Variants in SDCCAG8 observed in about 807,000 individuals in gnomAD.
SDCCAG8 encodes the protein serologically defined colon cancer antigen 8.
A neutral mutation model predicts 101.8 loss-of-function variants in SDCCAG8; 74 were observed. The observed-to-expected ratio is 0.73, with a 90% CI of 0.60 to 0.88. SDCCAG8 has a LOEUF of 0.88. Among genes scored for constraint, SDCCAG8 ranks in the 40% least tolerant of loss-of-function variants. The pLI, the probability that SDCCAG8 is intolerant of heterozygous loss-of-function variation, is 0.00. For synonymous variants in SDCCAG8, 281 were observed against 292.9 expected, an observed-to-expected ratio of 0.96 and a Z score of 0.41; for missense variants, 787 against 822.6, an observed-to-expected ratio of 0.96 and a Z score of 0.53.
At chr1:243,494,444 G>A (rs1667300664) in intron 17 of SDCCAG8, among the ~76,000 whole-genome samples, 1 of 152,094 alleles carries the variant, frequency 6.6e-6, no homozygotes, top group South Asian at 2.1e-4. Flanking sequence ...TGCTGCCTGA[G>A]TGTTTTTAAA....
At chr1:243,499,232 CAT>C (rs918535253) in intron 17 of SDCCAG8, among the ~76,000 whole-genome samples, 8 of 152,226 alleles carry the variant, frequency 5.3e-5, no homozygotes, top group African/African-American at 1.2e-4. Context: ...TCTTCCAACA[CAT>C]GTGAGGTTTC....
intron 17 of SDCCAG8, among the ~76,000 whole-genome samples, chr1:243,491,419 A>G (rs1666381924): frequency 6.6e-6 from 1 of 152,232 alleles, no homozygotes; most frequent in East Asian, 1.9e-4. Flanking sequence ...TTTCAGATTC[A>G]AATATTACAC....
At chr1:243,437,578 C>T (rs951411611) in intron 16 of SDCCAG8, among the ~76,000 whole-genome samples, 7 of 150,484 alleles carry the variant, frequency 4.7e-5, no homozygotes, top group Non-Finnish European at 7.4e-5. Flanking sequence ...GCTCTGTCGC[C>T]CAGGCTGGAG....
At chr1:243,274,733 C>T (rs1247093142) in intron 4 of SDCCAG8, 77 bp downstream of exon 4, 1 of 870,312 alleles carries the variant, frequency 1.1e-6, no homozygotes, top group Non-Finnish European at 1.9e-6. Flanking sequence ...AAATTTGCTG[C>T]TATAAATCTT....
At chr1:243,341,515 TAA>T (rs1277355649) in intron 11 of SDCCAG8, among the ~76,000 whole-genome samples, 1 of 152,236 alleles carries the variant, frequency 6.6e-6, no homozygotes, top group Non-Finnish European at 1.5e-5. Flanking sequence ...CTAAATTAAT[TAA>T]GAGTGCTTTG....
intron 14 of SDCCAG8, 98 bp downstream of exon 14, chr1:243,415,927 T>C: frequency 6.9e-7 from 1 of 1,444,152 alleles, no homozygotes; most frequent in Non-Finnish European, 9.5e-7. Context: ...AACCTTTGGC[T>C]GGCCGAAGGG....
chr1:243,332,421 G>A (rs960979669), intron 10 of SDCCAG8, among the ~76,000 whole-genome samples: 1 of 152,216 alleles, frequency 6.6e-6, no homozygotes. Context: ...GGTCATTATC[G>A]TAGTCCAGGT....
In SDCCAG8 at chr1:243,477,829, C is replaced by T. The variant is rs74356875; in HGVS notation, c.1986-11185C>T. Among the ~76,000 whole-genome samples the T allele has an allele frequency of 6.2e-3, 951 of 152,350 alleles. 18 individuals carry two copies. Among genetic ancestry groups the T allele is most frequent in the African/African-American group, 0.021 (868 of 41,574 alleles). ...GCCTCTTTTGCATCCTTTGTGCCAA[C>T]ACCAGTCTGTGGATGAGATCAATGT... is the stretch of plus-strand genomic sequence containing the variant. On this transcript the variant is annotated intron_variant, in intron 16 of 17. Coordinates refer to ENST00000366541, the MANE Select transcript of SDCCAG8 (RefSeq NM_006642.5).
At chr1:243,480,382 GGAT>G in intron 16 of SDCCAG8, among the ~76,000 whole-genome samples, 1 of 74,542 alleles carries the variant, frequency 1.3e-5, no homozygotes. Context: ...ATGGGTGGAT[GGAT>G]GGATGGATAG....
At chr1:243,470,784 AC>A (rs550550254) in intron 16 of SDCCAG8, among the ~76,000 whole-genome samples, 38 of 152,332 alleles carry the variant, frequency 2.5e-4, no homozygotes, top group African/African-American at 8.4e-4. Context: ...AGACAGCATC[AC>A]AAGGATTCCC....
intron 13 of SDCCAG8, among the ~76,000 whole-genome samples, chr1:243,400,780 A>G (rs1034874310): frequency 9.9e-5 from 15 of 152,238 alleles, no homozygotes; most frequent in Admixed American, 7.9e-4. Context: ...GAGATTTCAT[A>G]GAATAAGATG....
chr1:243,479,379 A>G (rs1663044025), intron 16 of SDCCAG8, among the ~76,000 whole-genome samples: 1 of 152,242 alleles, frequency 6.6e-6, no homozygotes, highest in Admixed American at 6.5e-5. Flanking sequence ...TGTAGGCTCC[A>G]TGGCCATATG....
chr1:243,326,790 C>A (rs540579144), intron 9 of SDCCAG8, among the ~76,000 whole-genome samples: 154 of 152,184 alleles, frequency 1.0e-3, no homozygotes, highest in African/African-American at 3.4e-3. Context: ...TGAAAACTAA[C>A]CCTAGCAGTT....
chr1:243,257,628 ACT>A lies in SDCCAG8; in HGVS notation c.67+1391_67+1392del, dbSNP rs202199052. Among the ~76,000 whole-genome samples the A allele has an allele frequency of 5.5e-3, 842 of 152,312 alleles. 4 individuals are homozygous for A. The highest frequency in any genetic ancestry group is 0.014 in the Middle Eastern group (4 of 294). On this transcript the variant is annotated intron_variant, in intron 1 of 17. Coordinates refer to ENST00000366541, the MANE Select transcript of SDCCAG8 (RefSeq NM_006642.5). ...ATATTAGAAAGTTTATCTTCTCATG[ACT>A]CTAGATTTTATAAGGGTTACTATGT... is the stretch of plus-strand genomic sequence containing the variant.
At chr1:243,409,142 G>A (rs1452143266) in intron 13 of SDCCAG8, among the ~76,000 whole-genome samples, 1 of 152,080 alleles carries the variant, frequency 6.6e-6, no homozygotes, top group Non-Finnish European at 1.5e-5. Context: ...AAAACTATAA[G>A]CAAATATTGA....
At chr1:243,402,406 T>TA (rs201645972) in intron 13 of SDCCAG8, among the ~76,000 whole-genome samples, 2,034 of 123,260 alleles carry the variant, frequency 0.017, 11 homozygotes, top group African/African-American at 0.02. Context: ...CTGTCTCAAT[T>TA]AAAAAAAAAA....
intron 16 of SDCCAG8, among the ~76,000 whole-genome samples, chr1:243,457,713 CA>C (rs1658097834): frequency 1.3e-5 from 2 of 152,142 alleles, no homozygotes; most frequent in Admixed American, 6.5e-5. Context: ...TTAAGTCGCT[CA>C]AAATTCATTC....
chr1:243,363,968 T>G (rs1474318364), intron 12 of SDCCAG8, among the ~76,000 whole-genome samples: 2 of 152,208 alleles, frequency 1.3e-5, no homozygotes, highest in African/African-American at 4.8e-5. Flanking sequence ...AGGTTATTTT[T>G]GAGTTAAAAC....
intron 12 of SDCCAG8, among the ~76,000 whole-genome samples, chr1:243,348,202 ATTT>A (rs74162279): frequency 2.3e-5 from 3 of 131,652 alleles, no homozygotes; most frequent in Non-Finnish European, 3.2e-5. Flanking sequence ...CGCCCGGCTA[ATTT>A]TTTTTTTTTT....
Sources: allele counts gnomAD v4.1 joint callset (sites outside exome capture counted in the v4.1 genomes callset), GRCh38; gene constraint gnomAD v4.1.1; transcripts MANE v1.5; gene names NCBI Gene and HGNC (gene_info 2026-07-23, HGNC 2026-07-21).